ACYP2: variants seen among roughly 807,000 people sequenced by gnomAD.
ACYP2 encodes the protein acylphosphatase-2.
Under a neutral mutation model 11.2 loss-of-function variants are expected in ACYP2, and 12 were observed. The observed-to-expected ratio is 1.08, with a 90% CI of 0.69 to 1.74. ACYP2 has a LOEUF of 1.74. Ranked by LOEUF, ACYP2 falls within the 40% of genes most tolerant of loss-of-function variation. The probability of loss-of-function intolerance (pLI) is 0.00; values close to 1 mark genes in which losing one functional copy is unlikely to be tolerated. For synonymous variants in ACYP2, 43 were observed against 32.2 expected, an observed-to-expected ratio of 1.33 and a Z score of -1.13; for missense variants, 134 against 101.9, an observed-to-expected ratio of 1.31 and a Z score of -1.35.
At chr2:53,977,920 A>G (rs1573429685) in intron 2 of ACYP2, among the ~76,000 whole-genome samples, 1 of 151,826 alleles carries the variant, frequency 6.6e-6, no homozygotes, top group South Asian at 2.1e-4. Flanking sequence ...GTTTAATACA[A>G]CCATTCCTGG....
intron 4 of ACYP2, among the ~76,000 whole-genome samples, chr2:54,134,728 C>A (rs1253525140): frequency 1.3e-5 from 2 of 152,168 alleles, no homozygotes; most frequent in African/African-American, 2.4e-5. Flanking sequence ...CATTTACTTA[C>A]CACTTAATAA....
intron 4 of ACYP2, chr2:54,065,402 A>G: frequency 2.5e-6 from 1 of 398,420 alleles, no homozygotes; most frequent in Non-Finnish European, 4.4e-6. Flanking sequence ...CTATGCTTTT[A>G]TATACATACA....
intron 6 of ACYP2, among the ~76,000 whole-genome samples, chr2:54,231,798 G>A (rs927894626): frequency 1.3e-5 from 2 of 152,064 alleles, no homozygotes; most frequent in South Asian, 2.1e-4. Flanking sequence ...CCTGCCTCTC[G>A]GGCACGCCAC....
chr2:54,093,011 G>A (rs1226130112), intron 4 of ACYP2, among the ~76,000 whole-genome samples: 1 of 152,192 alleles, frequency 6.6e-6, no homozygotes, highest in Non-Finnish European at 1.5e-5. Context: ...TGAGCTCTGA[G>A]CTCCCACTGG....
intron 6 of ACYP2, among the ~76,000 whole-genome samples, chr2:54,301,643 A>G (rs532350654): frequency 2.6e-5 from 4 of 152,318 alleles, no homozygotes; most frequent in African/African-American, 4.8e-5. Context: ...GATTTTATAT[A>G]TATGTATACA....
At chr2:54,124,454 C>T (rs977859343) in intron 4 of ACYP2, among the ~76,000 whole-genome samples, 7 of 152,140 alleles carry the variant, frequency 4.6e-5, no homozygotes, top group Admixed American at 4.6e-4. Context: ...CCTCGGCCTC[C>T]CAAAGTGCTG....
intron 6 of ACYP2, among the ~76,000 whole-genome samples, chr2:54,196,989 A>T (rs191154016): frequency 6.6e-6 from 1 of 152,356 alleles, no homozygotes; most frequent in East Asian, 1.9e-4. Flanking sequence ...TAATCCTCAT[A>T]GCACAACACT....
intron 2 of ACYP2, among the ~76,000 whole-genome samples, chr2:53,982,747 G>A (rs987592126): frequency 6.6e-6 from 1 of 151,530 alleles, no homozygotes; most frequent in Admixed American, 6.6e-5. Context: ...TCCCAGTTTG[G>A]CACTGCTTCG....
chr2:54,255,315 A>G (rs1374698142), intron 6 of ACYP2: 1 of 1,614,002 alleles, frequency 6.2e-7, no homozygotes, highest in Non-Finnish European at 8.5e-7. Context: ...TCACTTCCAA[A>G]TTGGTTAAGT....
chr2:54,022,600 G>C (rs1386688613), intron 2 of ACYP2, among the ~76,000 whole-genome samples: 1 of 151,994 alleles, frequency 6.6e-6, no homozygotes, highest in Non-Finnish European at 1.5e-5. Context: ...GGGTGGTCTT[G>C]AATTTCTGAC....
chr2:54,211,787 C>A (rs1685338899), intron 6 of ACYP2, among the ~76,000 whole-genome samples: 1 of 152,184 alleles, frequency 6.6e-6, no homozygotes, highest in South Asian at 2.1e-4. Context: ...TACAGTGCAA[C>A]TTTAAGGCTC....
chr2:54,207,979 A>T (rs1383631744), intron 6 of ACYP2, among the ~76,000 whole-genome samples: 2 of 152,144 alleles, frequency 1.3e-5, no homozygotes, highest in African/African-American at 4.8e-5. Flanking sequence ...CTGCAATCCT[A>T]AGCCTGTTAT....
chr2:54,149,883 C>G (rs549805936), intron 6 of ACYP2, among the ~76,000 whole-genome samples: 4 of 152,244 alleles, frequency 2.6e-5, no homozygotes, highest in African/African-American at 9.6e-5. Context: ...AGAAAAAATA[C>G]TTGAAATCAT....
At chr2:54,208,098 C>T (rs1685157734) in intron 6 of ACYP2, among the ~76,000 whole-genome samples, 1 of 152,006 alleles carries the variant, frequency 6.6e-6, no homozygotes, top group Non-Finnish European at 1.5e-5. Flanking sequence ...TTCATCTGAC[C>T]CTCAAGATCC....
chr2:54,234,996 A>T (rs186387469), intron 6 of ACYP2, among the ~76,000 whole-genome samples: 27 of 152,350 alleles, frequency 1.8e-4, no homozygotes, highest in Admixed American at 5.9e-4. Flanking sequence ...ACAAGTTAGC[A>T]TAAGTTTATT....
Position 54,050,571 on chromosome 2 carries a change from T to G in ACYP2, c.63-387T>G, listed in dbSNP as rs552798329. On this transcript the variant is annotated intron_variant, in intron 2 of 6. Coordinates refer to ENST00000607452, the MANE Select transcript of ACYP2 (RefSeq NM_001320586.2). ...TGAAAAAAAAAAAAAAAAAAGAAAATAACTAAAGAAAACAAAATTTTAAAC... is the reference window on the plus strand; with the variant it reads ...TGAAAAAAAAAAAAAAAAAAGAAAAGAACTAAAGAAAACAAAATTTTAAAC... Among the ~76,000 whole-genome samples the G allele has an allele frequency of 4.2e-3, 554 of 131,258 alleles. 8 individuals are homozygous for G. The highest frequency in any genetic ancestry group is 4.2e-3 in the Non-Finnish European group (249 of 59,892). 86.1% of individuals were successfully genotyped at this position (131,258 alleles called of 152,430 possible).
intron 6 of ACYP2, among the ~76,000 whole-genome samples, chr2:54,179,529 C>T (rs962183470): frequency 2.0e-5 from 3 of 152,094 alleles, no homozygotes; most frequent in African/African-American, 7.2e-5. Flanking sequence ...CTGCTGGTTG[C>T]CCACTTTTTA....
intron 4 of ACYP2, among the ~76,000 whole-genome samples, chr2:54,075,137 C>T (rs1677260556): frequency 6.6e-6 from 1 of 152,120 alleles, no homozygotes; most frequent in South Asian, 2.1e-4. Context: ...AATAAAAGTT[C>T]AACGGACGGT....
intron 4 of ACYP2, among the ~76,000 whole-genome samples, chr2:54,092,964 G>C (rs1379842088): frequency 6.6e-6 from 1 of 152,182 alleles, no homozygotes; most frequent in African/African-American, 2.4e-5. Context: ...ACCCATTGAT[G>C]GTGGGGTACA....
Sources: allele counts gnomAD v4.1 joint callset (sites outside exome capture counted in the v4.1 genomes callset), GRCh38; gene constraint gnomAD v4.1.1; transcripts MANE v1.5; gene names NCBI Gene and HGNC (gene_info 2026-07-23, HGNC 2026-07-21).